The following TAB2 variants were observed in gnomAD, a reference collection of about 807,000 sequenced individuals.
TAB2 encodes the protein TGF-beta activated kinase 1 (MAP3K7) binding protein 2.
In TAB2, 3 loss-of-function variants were observed where a neutral mutation model predicts 65.0. The observed-to-expected ratio is 0.05, with a 90% CI of 0.02 to 0.12. The LOEUF is 0.12. TAB2 is among the 10% of genes least tolerant of loss of function. The pLI, the probability that TAB2 is intolerant of heterozygous loss-of-function variation, is 1.00. For missense variants in TAB2, 623 were observed against 840.3 expected (o/e 0.74, Z 3.20); for synonymous variants, 298 against 285.1 (o/e 1.05, Z -0.46).
intron 3 of TAB2, among the ~76,000 whole-genome samples, chr6:149,384,232 A>T (rs1781713753): frequency 6.6e-6 from 1 of 152,238 alleles, no homozygotes; most frequent in Admixed American, 6.5e-5. Context: ...GTACATACAT[A>T]AATTTGGTAA....
At chr6:149,317,625 C>A (rs1160311217), upstream of TAB2, 1 of 151,020 alleles carries the variant, frequency 6.6e-6, no homozygotes, top group Admixed American at 6.8e-5. The surrounding 1 kb of genome is among the most constrained non-coding windows in gnomAD (Gnocchi z 4.7). Flanking sequence ...GGAGGGCAGG[C>A]GAGCGCGAGG....
intron 1 of TAB2, among the ~76,000 whole-genome samples, chr6:149,364,862 C>T (rs1396660828): frequency 2.0e-5 from 3 of 151,556 alleles, no homozygotes; most frequent in Non-Finnish European, 4.4e-5. Context: ...TGATAAACTG[C>T]ACTGAATATG....
Position 149,356,136 on chromosome 6 carries a change from A to C in TAB2, c.-89-13773A>C, listed in dbSNP as rs115422283. Among the ~76,000 whole-genome samples the C allele has an allele frequency of 8.9e-3, 1,354 of 152,328 alleles. 22 individuals carry two copies. Among genetic ancestry groups the C allele is most frequent in the African/African-American group, 0.031 (1,280 of 41,572 alleles). ...ATTTCCTAATGTCCTAGAGAATTCC[A>C]AATGCTTATTTCCTTCTAACTAAAG... On this transcript the variant is annotated intron_variant, in intron 1 of 6. Transcript: ENST00000637181.
chr6:149,364,985 T>C (rs1206429754), intron 1 of TAB2, among the ~76,000 whole-genome samples: 2 of 152,060 alleles, frequency 1.3e-5, no homozygotes, highest in African/African-American at 4.8e-5. Flanking sequence ...GGAAAGAATA[T>C]GGCACATTTT....
chr6:149,296,375 G>A (rs1778876613), intron 1 of TAB2, among the ~76,000 whole-genome samples: 1 of 152,182 alleles, frequency 6.6e-6, no homozygotes, highest in Non-Finnish European at 1.5e-5. Flanking sequence ...CCTGTCAAAT[G>A]AGGGTTCTAA....
At chr6:149,324,704 T>C (rs1779547741) in intron 1 of TAB2, among the ~76,000 whole-genome samples, 1 of 152,202 alleles carries the variant, frequency 6.6e-6, no homozygotes, top group Admixed American at 6.5e-5. Context: ...TGCAGAACAT[T>C]GTCCTCAGGC....
chr6:149,351,529 T>C (rs504762), intron 1 of TAB2, among the ~76,000 whole-genome samples: 18,598 of 152,246 alleles, frequency 0.12, 1,740 homozygotes, highest in East Asian at 0.51. Flanking sequence ...AATGATAGTA[T>C]TGATATTTTA....
chr6:149,376,525 A>T (rs1409254964), intron 2 of TAB2, among the ~76,000 whole-genome samples: 1 of 152,152 alleles, frequency 6.6e-6, no homozygotes, highest in Non-Finnish European at 1.5e-5. Context: ...TACTCGTGCC[A>T]TTCTCTTCAC....
In TAB2 at chr6:149,383,574, A is replaced by G. The variant is rs190193692; in HGVS notation, c.1603+4056A>G. Among the ~76,000 whole-genome samples, 527 of 152,176 alleles carry G rather than the reference A, an allele frequency of 3.5e-3. 3 individuals carry two copies. The highest frequency in any genetic ancestry group is 5.9e-3 in the Non-Finnish European group (400 of 67,970). ...AACTGGTATTGATCCAGATTGACCT[A>G]TCACCCAGTAACACAGTCTTTTTTT... is the stretch of plus-strand genomic sequence containing the variant. On this transcript the variant is annotated intron_variant, in intron 3 of 6. Coordinates refer to ENST00000637181, the MANE Select transcript of TAB2 (RefSeq NM_001292034.3).
chr6:149,232,898 G>A lies in TAB2; in HGVS notation c.-121+14122G>A, dbSNP rs182520233. The stretch of plus-strand genomic sequence containing the variant: ...GCCTTGGAATGCTGTCGTACCCCTG[G>A]CCCATCCTGAGGGATGCTGCTGTAC... On this transcript the variant is annotated intron_variant, in intron 1 of 1. Coordinates refer to the TAB2 transcript ENST00000606202. Among the ~76,000 whole-genome samples, 33 of 152,170 alleles carry A rather than the reference G, an allele frequency of 2.2e-4. 1 individual carries two copies. Among genetic ancestry groups the A allele is most frequent in the Admixed American group, 2.0e-3 (30 of 15,278 alleles).
intron 1 of TAB2, among the ~76,000 whole-genome samples, chr6:149,262,143 T>G (rs994142220): frequency 6.6e-6 from 1 of 152,180 alleles, no homozygotes; most frequent in Non-Finnish European, 1.5e-5. Context: ...TTTTACATAG[T>G]GTAAAGCAAA....
At chr6:149,354,421 T>C (rs1353222031) in intron 1 of TAB2, among the ~76,000 whole-genome samples, 2 of 152,208 alleles carry the variant, frequency 1.3e-5, no homozygotes, top group African/African-American at 4.8e-5. Context: ...CATAACACTT[T>C]GAAGCATCTT....
Position 149,378,156 on chromosome 6 carries a change from G to C in TAB2, c.241G>C (p.Asp81His), listed in dbSNP as rs780817024. 17 of 1,614,084 alleles carry C rather than the reference G, an allele frequency of 1.1e-5. No homozygotes were observed. The highest frequency in any genetic ancestry group is 1.4e-5 in the Non-Finnish European group (17 of 1,180,038). Residue 81 changes from aspartate to histidine, a missense_variant, in exon 3 of 7, where the codon GAC becomes CAC. This residue lies in a region of TAB2 where 550 missense variants were observed against 665.7 expected (regional missense o/e 0.83). Transcript: ENST00000637181. ...CAATCACATGACTTCTCTCAACTTG[G>C]ACTTGCAATCACAGAACATTTACCA... ...LRNHMTSLNL[D>H]LQSQNIYHHG...
chr6:149,391,986 G>T (rs991454249), intron 3 of TAB2, among the ~76,000 whole-genome samples: 3 of 152,042 alleles, frequency 2.0e-5, no homozygotes, highest in Admixed American at 2.0e-4. Flanking sequence ...GTTGTTTTAT[G>T]GGTACAATAG....
intron 3 of TAB2, among the ~76,000 whole-genome samples, chr6:149,391,078 T>G (rs539758248): frequency 1.6e-4 from 25 of 152,322 alleles, no homozygotes; most frequent in African/African-American, 6.0e-4. Flanking sequence ...TAATGAGACT[T>G]GGGAGGTAAA....
chr6:149,336,604 T>A (rs368912070), intron 1 of TAB2, among the ~76,000 whole-genome samples: 5 of 152,144 alleles, frequency 3.3e-5, no homozygotes, highest in Admixed American at 2.0e-4. Flanking sequence ...ACATTAGTAG[T>A]TGTAGGAAAA....
intron 1 of TAB2, among the ~76,000 whole-genome samples, chr6:149,248,835 T>C (rs1250173451): frequency 6.6e-6 from 1 of 152,090 alleles, no homozygotes; most frequent in Non-Finnish European, 1.5e-5. Context: ...TGCCATTTTC[T>C]CTGTCTTGTC....
In TAB2 at chr6:149,388,954, C is replaced by CTT. The variant is rs61577861; in HGVS notation, c.1604-8632_1604-8631dup. 1.2e-3 allele frequency among the ~76,000 whole-genome samples: 138 copies of CTT among 113,708 alleles called. 2 individuals carry two copies. Among genetic ancestry groups the CTT allele is most frequent in the African/African-American group, 3.8e-3 (111 of 29,458 alleles). The allele number at this position is 113,708 out of a possible 152,430, so 74.6% of individuals were successfully genotyped here. On this transcript the variant is annotated intron_variant, in intron 3 of 6. Transcript: ENST00000637181. ...ATTTTGAAAAAAGAATAACAGAAATCTTTTTTTTTTTTTTTTTTTGAGATC... is the reference window on the plus strand; with the variant it reads ...ATTTTGAAAAAAGAATAACAGAAATCTTTTTTTTTTTTTTTTTTTTTGAGATC...
chr6:149,321,947 A>G (rs1465510040), intron 1 of TAB2, among the ~76,000 whole-genome samples: 3 of 152,134 alleles, frequency 2.0e-5, no homozygotes, highest in Non-Finnish European at 4.4e-5. Context: ...TGCCTTACTC[A>G]TGTGTAATGT....
Sources: allele counts gnomAD v4.1 joint callset (sites outside exome capture counted in the v4.1 genomes callset), GRCh38; gene constraint gnomAD v4.1.1; regional missense constraint gnomAD v4.1.1; non-coding constraint Gnocchi (gnomAD v3.1); transcripts MANE v1.5; gene names NCBI Gene and HGNC (gene_info 2026-07-23, HGNC 2026-07-21).